Variants in BAIAP2L1 observed in about 807,000 individuals in gnomAD.
BAIAP2L1 encodes BAR/IMD domain containing adaptor protein 2 like 1.
Under a neutral mutation model 66.3 loss-of-function variants are expected in BAIAP2L1, and 35 were observed. The ratio of observed to expected loss-of-function variants is 0.53; its 90% CI spans 0.40 to 0.70. The LOEUF is 0.70. Ranked by LOEUF, BAIAP2L1 falls within the 30% of genes least tolerant of loss-of-function variation. The pLI, the probability that BAIAP2L1 is intolerant of heterozygous loss-of-function variation, is 0.00. For missense variants in BAIAP2L1, 622 were observed against 656.9 expected, an observed-to-expected ratio of 0.95 and a Z score of 0.58; for synonymous variants, 269 against 248.7, an observed-to-expected ratio of 1.08 and a Z score of -0.77.
At chr7:98,336,379 C>T (rs937981804) in intron 3 of BAIAP2L1, among the ~76,000 whole-genome samples, 14 of 152,066 alleles carry the variant, frequency 9.2e-5, no homozygotes, top group African/African-American at 2.7e-4. Flanking sequence ...TTTGGGAGGC[C>T]GAGACAGGCG....
At chr7:98,370,006 T>C (rs1462522527) in intron 1 of BAIAP2L1, among the ~76,000 whole-genome samples, 1 of 151,998 alleles carries the variant, frequency 6.6e-6, no homozygotes, top group Non-Finnish European at 1.5e-5. Context: ...TGTTCACATA[T>C]AACCCTAACA....
At chr7:98,390,619 C>A (rs1010890409) in intron 1 of BAIAP2L1, among the ~76,000 whole-genome samples, 3 of 151,570 alleles carry the variant, frequency 2.0e-5, no homozygotes, top group Non-Finnish European at 2.9e-5. Flanking sequence ...GCAGTCCCAG[C>A]TACTCAGGAG....
intron 5 of BAIAP2L1, among the ~76,000 whole-genome samples, chr7:98,319,668 T>TC (rs368124105): frequency 0.012 from 1,763 of 151,446 alleles, 39 homozygotes; most frequent in African/African-American, 0.041. Flanking sequence ...TGCCTCATCC[T>TC]CCCGAGTAGC....
rs199901153 is a variant in BAIAP2L1 at position 98,307,749 on chromosome 7, G to A, written c.1103C>T (p.Thr368Met). The A allele has an allele frequency of 1.3e-4, 211 of 1,614,102 alleles. 1 individual carries two copies. The highest frequency in any genetic ancestry group is 1.7e-4 in the Non-Finnish European group (199 of 1,180,054). The change falls in exon 10 of 14, where the codon ACG (threonine) becomes ATG (methionine). Residue 368 changes from threonine (T) to methionine (M), a missense_variant. By Grantham distance (81) the Thr-to-Met change is moderately conservative (BLOSUM62 -1). Transcript: ENST00000005260. ...LLSFAQGDVI[T>M]LLIPEEKDGW... Reference sequence around the variant, plus strand: ...ATCCTTCTCCTCGGGGATGAGCAGCGTGATGACATCTCCCTGTGCAAAGCT... The same window carrying A: ...ATCCTTCTCCTCGGGGATGAGCAGCATGATGACATCTCCCTGTGCAAAGCT...
chr7:98,334,334 A>C (rs1053771043), intron 3 of BAIAP2L1, among the ~76,000 whole-genome samples: 1 of 152,206 alleles, frequency 6.6e-6, no homozygotes, highest in Non-Finnish European at 1.5e-5. Context: ...GTCCAGCTTC[A>C]TTGTAAAGAG....
intron 3 of BAIAP2L1, among the ~76,000 whole-genome samples, chr7:98,321,002 G>A (rs1483055172): frequency 1.3e-5 from 2 of 152,066 alleles, no homozygotes; most frequent in African/African-American, 4.8e-5. Context: ...GACTACAGGC[G>A]TGCACCACCA....
intron 7 of BAIAP2L1, among the ~76,000 whole-genome samples, chr7:98,314,042 G>C (rs534603017): frequency 1.5e-5 from 2 of 135,782 alleles, no homozygotes; most frequent in East Asian, 2.2e-4. Context: ...CTGAAGTGCA[G>C]TGGTGTGATC....
At chr7:98,332,634 C>A (rs1801523718) in intron 3 of BAIAP2L1, among the ~76,000 whole-genome samples, 1 of 151,088 alleles carries the variant, frequency 6.6e-6, no homozygotes, top group African/African-American at 2.4e-5. Flanking sequence ...AAGGTGAAAC[C>A]CCATCCCTAC....
At chr7:98,390,803 G>C (rs2115841107) in intron 1 of BAIAP2L1, among the ~76,000 whole-genome samples, 1 of 152,052 alleles carries the variant, frequency 6.6e-6, no homozygotes, top group Admixed American at 6.6e-5. Context: ...TATTGTTTAG[G>C]GACTTTTTAG....
chr7:98,324,674 C>T (rs1801334894), intron 3 of BAIAP2L1, among the ~76,000 whole-genome samples: 1 of 151,950 alleles, frequency 6.6e-6, no homozygotes, highest in Non-Finnish European at 1.5e-5. Context: ...ACAGTGAGAC[C>T]TCCACCATCT....
At chr7:98,387,551 C>A (rs566807827) in intron 1 of BAIAP2L1, among the ~76,000 whole-genome samples, 1 of 152,080 alleles carries the variant, frequency 6.6e-6, no homozygotes, top group South Asian at 2.1e-4. Context: ...TGCGCCACCA[C>A]GATAAGGGAT....
chr7:98,328,679 CAAAA>C (rs1158387861), intron 3 of BAIAP2L1, among the ~76,000 whole-genome samples: 2 of 56,664 alleles, frequency 3.5e-5, no homozygotes, highest in African/African-American at 1.3e-4. Context: ...GATCCCATCT[CAAAA>C]AAAAAAAAAA....
At chr7:98,370,305 G>A (rs886893381) in intron 1 of BAIAP2L1, among the ~76,000 whole-genome samples, 2 of 149,512 alleles carry the variant, frequency 1.3e-5, no homozygotes, top group African/African-American at 4.9e-5. Context: ...AACCCGGGAC[G>A]CGGGGTTGCA....
chr7:98,324,688 CA>C (rs1222707516), intron 3 of BAIAP2L1, among the ~76,000 whole-genome samples: 3 of 150,718 alleles, frequency 2.0e-5, no homozygotes, highest in Non-Finnish European at 4.4e-5. Context: ...ACCATCTCTA[CA>C]AAAAAAAATT....
chr7:98,340,477 C>T (rs892341293), intron 3 of BAIAP2L1, among the ~76,000 whole-genome samples: 3 of 151,844 alleles, frequency 2.0e-5, no homozygotes, highest in African/African-American at 7.3e-5. Context: ...TTAGTAGAGA[C>T]GGGGTTTCAC....
At chr7:98,373,265 G>A (rs545980834) in intron 1 of BAIAP2L1, among the ~76,000 whole-genome samples, 15 of 152,236 alleles carry the variant, frequency 9.9e-5, no homozygotes, top group Admixed American at 8.5e-4. Context: ...GCCAAGTACA[G>A]AAAAATTAGA....
chr7:98,398,734 G>A (rs1418144031), intron 1 of BAIAP2L1, among the ~76,000 whole-genome samples: 2 of 152,092 alleles, frequency 1.3e-5, no homozygotes, highest in Non-Finnish European at 2.9e-5. Flanking sequence ...GCTGCAATTC[G>A]CCTTGGTACG....
At position 98,292,617 on chromosome 7, in the gene BAIAP2L1, T is replaced by C. The variant is rs1382400499; in HGVS notation, c.*904A>G. 1 of 1,551,340 alleles carries C rather than the reference T, an allele frequency of 6.4e-7. No homozygotes were observed. The highest frequency in any genetic ancestry group is 1.4e-5 in the African/African-American group (1 of 73,018). On this transcript the variant is annotated 3_prime_UTR_variant, in exon 14 of 14. Transcript: ENST00000005260. Reference sequence around the variant, plus strand: ...TCCGAGGGCATCATGGCTGCTAGGCTGAAAAACCCGCCCTTCTCCAGGCAC... The same window carrying C: ...TCCGAGGGCATCATGGCTGCTAGGCCGAAAAACCCGCCCTTCTCCAGGCAC...
At chr7:98,293,664 A>G in intron 13 of BAIAP2L1, 68 bp from the exon 14 acceptor site, 2 of 1,480,180 alleles carry the variant, frequency 1.4e-6, no homozygotes, top group Non-Finnish European at 1.9e-6. Flanking sequence ...TAACAGTGCT[A>G]ATAACCCGTT....
Sources: gnomAD v4.1 joint callset for allele counts (sites outside exome capture counted in the v4.1 genomes callset) on GRCh38, gnomAD v4.1.1 for gene constraint, MANE v1.5 for transcripts, NCBI Gene and HGNC (gene_info 2026-07-23, HGNC 2026-07-21) for gene names.